Variants in MEIG1 observed in about 807,000 individuals in gnomAD.
MEIG1 encodes meiosis/spermiogenesis associated 1, also known as meiosis expressed gene 1 protein homolog.
Under a neutral mutation model 11.3 loss-of-function variants are expected in MEIG1, and 12 were observed. That is an observed-to-expected ratio of 1.07 (90% confidence interval 0.68 to 1.73). The LOEUF (loss-of-function observed/expected upper bound fraction) is 1.73. Among genes scored for constraint, MEIG1 ranks in the 40% most tolerant of loss-of-function variants. MEIG1 has a pLI of 0.00. For missense variants in MEIG1, 119 were observed against 104.9 expected (o/e 1.13, Z -0.59); for synonymous variants, 41 against 33.2 (o/e 1.24, Z -0.81).
Position 14,982,637 on chromosome 10 carries a change from G to A in MEIG1, n.67-4159G>A, listed in dbSNP as rs1589215799. ...CCATCCTCCTCTATCCCAGTATACCGCTGCTCTCTCAGGGGCATTTGGATC... is the reference window on the plus strand; with the variant it reads ...CCATCCTCCTCTATCCCAGTATACCACTGCTCTCTCAGGGGCATTTGGATC... On this transcript the variant is annotated intron_variant and non_coding_transcript_variant, in intron 1 of 2. Coordinates refer to the MEIG1 transcript ENST00000467536. Among the ~76,000 whole-genome samples the A allele has an allele frequency of 6.6e-5, 10 of 152,188 alleles. No individual in the cohort carries two copies. The South Asian group carries it at 2.1e-3, about 32-fold the overall frequency.
downstream of MEIG1, chr10:14,972,987 T>TTCTGAG: frequency 3.4e-5 from 7 of 205,724 alleles, no homozygotes; most frequent in Non-Finnish European, 6.9e-5. Context: ...TGCCTCAGCC[T>TTCTGAG]CCCAAGTAGC....
intron 2 of MEIG1, among the ~76,000 whole-genome samples, chr10:14,967,658 A>G (rs1445066265): frequency 6.6e-6 from 1 of 152,116 alleles, no homozygotes; most frequent in African/African-American, 2.4e-5. Context: ...TGAACAACAC[A>G]GGGACTAGGG....
At chr10:14,977,597 A>C (rs186820882), downstream of MEIG1, among the ~76,000 whole-genome samples, 67 of 151,928 alleles carry the variant, frequency 4.4e-4, no homozygotes, top group East Asian at 0.013. Context: ...CATGGGGTAC[A>C]CCCACTGGGA....
intron 2 of MEIG1, among the ~76,000 whole-genome samples, chr10:14,968,918 A>G (rs1843118764): frequency 6.6e-6 from 1 of 152,070 alleles, no homozygotes; most frequent in Non-Finnish European, 1.5e-5. Context: ...ATCTCTGCTA[A>G]AAATACAAAA....
At chr10:14,969,492 C>G (rs1401411352) in intron 2 of MEIG1, among the ~76,000 whole-genome samples, 2 of 151,052 alleles carry the variant, frequency 1.3e-5, no homozygotes, top group African/African-American at 4.9e-5. Context: ...AAAGTTGTCA[C>G]AAGAATTAAA....
At chr10:14,979,412 T>A (rs1843242137) in intron 1 of MEIG1, among the ~76,000 whole-genome samples, 1 of 151,764 alleles carries the variant, frequency 6.6e-6, no homozygotes, top group Non-Finnish European at 1.5e-5. Context: ...GTGTATGCCC[T>A]GGGATAGTAT....
chr10:14,981,853 T>C (rs1415334670), intron 1 of MEIG1, among the ~76,000 whole-genome samples: 2 of 152,222 alleles, frequency 1.3e-5, no homozygotes, highest in African/African-American at 4.8e-5. Context: ...CTTCCCTTGC[T>C]TCTTTGGGGG....
intron 1 of MEIG1, among the ~76,000 whole-genome samples, chr10:14,980,109 T>A (rs12264881): frequency 0.053 from 8,032 of 151,956 alleles, 699 homozygotes; most frequent in African/African-American, 0.18. Flanking sequence ...CCATGCCTGT[T>A]CACCTTGTGA....
At chr10:14,985,597 T>A (rs1334653966) in intron 1 of MEIG1, among the ~76,000 whole-genome samples, 2 of 152,038 alleles carry the variant, frequency 1.3e-5, no homozygotes, top group Non-Finnish European at 2.9e-5. Flanking sequence ...GGTGAGGCGG[T>A]GTACATCGTG....
chr10:14,985,980 C>A (rs1843314692), intron 1 of MEIG1, among the ~76,000 whole-genome samples: 1 of 152,044 alleles, frequency 6.6e-6, no homozygotes, highest in South Asian at 2.1e-4. Flanking sequence ...AGTGTGCACA[C>A]CCTGTGATAT....
At chr10:14,979,363 G>A (rs1288622559) in intron 1 of MEIG1, among the ~76,000 whole-genome samples, 3 of 150,858 alleles carry the variant, frequency 2.0e-5, no homozygotes, top group Non-Finnish European at 4.4e-5. Context: ...GATATTATTC[G>A]GAATATTCCA....
downstream of MEIG1, among the ~76,000 whole-genome samples, chr10:14,975,629 A>C (rs1283065427): frequency 4.6e-5 from 7 of 152,110 alleles, no homozygotes; most frequent in East Asian, 1.4e-3. Flanking sequence ...ATTCTTCTTA[A>C]TAACGCAGGG....
At chr10:14,966,417 A>C in intron 1 of MEIG1, 23 bp from the exon 2 acceptor site, 2 of 1,516,912 alleles carry the variant, frequency 1.3e-6, no homozygotes, top group Middle Eastern at 1.9e-4. Context: ...ATTATCCATT[A>C]ATGTTGTTTT....
intron 1 of MEIG1, among the ~76,000 whole-genome samples, chr10:14,962,886 C>T (rs780362537): frequency 2.0e-5 from 3 of 151,514 alleles, no homozygotes; most frequent in Non-Finnish European, 4.4e-5. Flanking sequence ...GCCTCAGCCT[C>T]CTGATTAGCT....
At position 14,972,016 on chromosome 10, in the gene MEIG1, CT is replaced by C. The variant is rs752832334; in HGVS notation, c.139-483del. Among the ~76,000 whole-genome samples the C allele has an allele frequency of 1.9e-3, 273 of 142,870 alleles. 1 individual carries two copies. Among genetic ancestry groups the C allele is most frequent in the Middle Eastern group, 3.6e-3 (1 of 274 alleles). The allele number at this position is 142,870 out of a possible 152,430, so 93.7% of individuals were successfully genotyped here. A position where few individuals can be genotyped will look rare whatever the true frequency, so the allele number is the denominator to read the frequency against. ...TAGAGAAAAGCACTGAATTAGTTGT[CT>C]TTTTTTTTTTTTTCCGAGGCAGGGT... On this transcript the variant is annotated intron_variant, in intron 2 of 2. Coordinates refer to ENST00000407572, the MANE Select transcript of MEIG1 (RefSeq NM_001080836.3).
At chr10:14,966,399 A>G in intron 1 of MEIG1, 41 bp from the exon 2 acceptor site, 2 of 1,400,352 alleles carry the variant, frequency 1.4e-6, no homozygotes, top group South Asian at 1.4e-5. Context: ...CAAAATTGTC[A>G]CTATTACATT....
intron 2 of MEIG1, among the ~76,000 whole-genome samples, chr10:14,969,761 G>C (rs546785067): frequency 1.3e-5 from 2 of 151,874 alleles, no homozygotes; most frequent in Non-Finnish European, 2.9e-5. Context: ...ACTTGAACCC[G>C]GGAGGGGGAG....
At chr10:14,981,906 C>G (rs1473066025) in intron 1 of MEIG1, among the ~76,000 whole-genome samples, 1 of 152,158 alleles carries the variant, frequency 6.6e-6, no homozygotes, top group Admixed American at 6.6e-5. Context: ...TCGGCGTTTC[C>G]CCGGGCCTGA....
intron 1 of MEIG1, among the ~76,000 whole-genome samples, chr10:14,981,797 A>G (rs572540392): frequency 7.2e-5 from 11 of 152,264 alleles, no homozygotes; most frequent in South Asian, 2.1e-4. Flanking sequence ...CACTGGTTAC[A>G]CTGCAAACTC....
Sources: allele counts gnomAD v4.1 joint callset (sites outside exome capture counted in the v4.1 genomes callset), GRCh38; gene constraint gnomAD v4.1.1; transcripts MANE v1.5; gene names NCBI Gene and HGNC (gene_info 2026-07-23, HGNC 2026-07-21).